EFCAB11: variants seen among roughly 807,000 people sequenced by gnomAD.
The protein encoded by EFCAB11 is EF-hand calcium-binding domain-containing protein 11.
A neutral mutation model predicts 23.0 loss-of-function variants in EFCAB11; 14 were observed. The observed-to-expected ratio is 0.61, with a 90% CI of 0.40 to 0.95. The LOEUF is 0.95. EFCAB11 is among the 40% of genes least tolerant of loss of function. EFCAB11 has a pLI of 0.00. For missense variants in EFCAB11, 198 were observed against 195.8 expected (o/e 1.01, Z -0.07); for synonymous variants, 65 against 66.6 (o/e 0.98, Z 0.11).
intron 5 of EFCAB11, among the ~76,000 whole-genome samples, chr14:89,882,045 C>A (rs568309876): frequency 1.3e-5 from 2 of 152,324 alleles, no homozygotes; most frequent in East Asian, 3.9e-4. Flanking sequence ...CTGTGTGGAG[C>A]TATACTGGTT....
chr14:89,908,305 G>A (rs2140211764), intron 5 of EFCAB11, among the ~76,000 whole-genome samples: 1 of 152,296 alleles, frequency 6.6e-6, no homozygotes, highest in South Asian at 2.1e-4. Context: ...CAACTCTGGT[G>A]TAAGTTCTCT....
intron 5 of EFCAB11, among the ~76,000 whole-genome samples, chr14:89,801,279 T>G (rs1846760501): frequency 6.6e-6 from 1 of 152,176 alleles, no homozygotes. Context: ...ACCTCTCCCC[T>G]ATCTTCACCA....
chr14:89,802,234 A>C (rs1885810505), intron 5 of EFCAB11, among the ~76,000 whole-genome samples: 1 of 151,322 alleles, frequency 6.6e-6, no homozygotes, highest in Non-Finnish European at 1.5e-5. Flanking sequence ...AGAAAGAAAA[A>C]GGAAATGGTT....
intron 5 of EFCAB11, among the ~76,000 whole-genome samples, chr14:89,850,681 T>C (rs1429099713): frequency 6.6e-6 from 1 of 152,230 alleles, no homozygotes; most frequent in Non-Finnish European, 1.5e-5. Flanking sequence ...TGTGTGTGTG[T>C]ATGAATTGAT....
chr14:89,950,018 G>A (rs1456504058), intron 3 of EFCAB11, 79 bp downstream of exon 3: 4 of 1,391,230 alleles, frequency 2.9e-6, no homozygotes, highest in African/African-American at 1.5e-5. Flanking sequence ...AATTTGAGAT[G>A]AGACTGATGT....
chr14:89,914,302 G>A (rs545179008), intron 5 of EFCAB11, among the ~76,000 whole-genome samples: 2 of 152,340 alleles, frequency 1.3e-5, no homozygotes, highest in Admixed American at 6.5e-5. Context: ...AAGAGCATGG[G>A]ATGTGGTGGA....
chr14:89,875,479 T>C (rs1192815257), intron 5 of EFCAB11, among the ~76,000 whole-genome samples: 1 of 151,824 alleles, frequency 6.6e-6, no homozygotes, highest in Non-Finnish European at 1.5e-5. Context: ...AATGTTGAGG[T>C]GGAAAAAAAT....
rs565250717 is a variant in EFCAB11, at chr14:89,841,771, C to T, written c.411-44447G>A. Among the ~76,000 whole-genome samples, 94 of 152,120 alleles carry T rather than the reference C, an allele frequency of 6.2e-4. 1 individual carries two copies. Among genetic ancestry groups the T allele is most frequent in the African/African-American group, 2.2e-3 (91 of 41,482 alleles). Reference sequence around the variant, plus strand: ...TTAATTATCCCTTAGATGTTGGTACCCCCAGGGTTGTCTCTTAGGCAGTCT... The same window carrying T: ...TTAATTATCCCTTAGATGTTGGTACTCCCAGGGTTGTCTCTTAGGCAGTCT... On this transcript the variant is annotated intron_variant, in intron 5 of 5. Coordinates refer to ENST00000316738, the MANE Select transcript of EFCAB11 (RefSeq NM_145231.4).
intron 3 of EFCAB11, among the ~76,000 whole-genome samples, chr14:89,939,684 A>G (rs1050200301): frequency 6.6e-6 from 1 of 152,212 alleles, no homozygotes; most frequent in African/African-American, 2.4e-5. Flanking sequence ...TAATAGTAAT[A>G]TAACATCTGG....
At chr14:89,896,939 C>T (rs756303626) in intron 5 of EFCAB11, among the ~76,000 whole-genome samples, 6 of 152,186 alleles carry the variant, frequency 3.9e-5, no homozygotes, top group Non-Finnish European at 8.8e-5. Flanking sequence ...TACTGCTTGG[C>T]GAGTCTTGAA....
chr14:89,954,359 A>C (rs1026160187), intron 1 of EFCAB11: 31 of 1,536,016 alleles, frequency 2.0e-5, no homozygotes, highest in Non-Finnish European at 2.6e-5. Flanking sequence ...GGTTACCATT[A>C]ATAGACTATA....
intron 3 of EFCAB11, among the ~76,000 whole-genome samples, chr14:89,947,466 C>T (rs1470595007): frequency 6.6e-6 from 1 of 152,192 alleles, no homozygotes; most frequent in African/African-American, 2.4e-5. Context: ...CTCATCTACT[C>T]ACATTGTCAC....
At chr14:89,851,960 G>A (rs939176146) in intron 5 of EFCAB11, among the ~76,000 whole-genome samples, 1 of 152,190 alleles carries the variant, frequency 6.6e-6, no homozygotes, top group Non-Finnish European at 1.5e-5. Context: ...GGATACCATC[G>A]AATGCCAAAA....
At chr14:89,829,457 G>C (rs1251501167) in intron 5 of EFCAB11, among the ~76,000 whole-genome samples, 1 of 152,186 alleles carries the variant, frequency 6.6e-6, no homozygotes, top group Non-Finnish European at 1.5e-5. Flanking sequence ...ATGACCAATA[G>C]GCTGTGTTTG....
intron 5 of EFCAB11, among the ~76,000 whole-genome samples, chr14:89,853,311 T>G (rs1887651573): frequency 6.6e-6 from 1 of 152,204 alleles, no homozygotes; most frequent in African/African-American, 2.4e-5. Flanking sequence ...GTCTGGAAGC[T>G]TCCTTTAATC....
rs115030234 is a variant in EFCAB11, at chr14:89,854,799, G to A, written c.411-57475C>T. Among the ~76,000 whole-genome samples, 402 of 152,008 alleles carry A rather than the reference G, an allele frequency of 2.6e-3. 3 individuals carry two copies. Among genetic ancestry groups the A allele is most frequent in the African/African-American group, 9.0e-3 (374 of 41,448 alleles). ...CTCAACTTCTCCATGTCCATCCACC[G>A]TGCATCCTGTCACCACGATCCTGTA... On this transcript the variant is annotated intron_variant, in intron 5 of 5. Transcript: ENST00000316738.
intron 5 of EFCAB11, among the ~76,000 whole-genome samples, chr14:89,887,202 A>T (rs1051079831): frequency 6.6e-6 from 1 of 152,190 alleles, no homozygotes; most frequent in African/African-American, 2.4e-5. Context: ...GAGATTTGCT[A>T]ACTGCTATGA....
intron 5 of EFCAB11, among the ~76,000 whole-genome samples, chr14:89,899,892 T>C (rs1275046108): frequency 6.6e-6 from 1 of 152,102 alleles, no homozygotes; most frequent in Non-Finnish European, 1.5e-5. Flanking sequence ...GCCCAACCAC[T>C]TGGGAAACAA....
At chr14:89,942,594 A>G (rs1217364912) in intron 3 of EFCAB11, among the ~76,000 whole-genome samples, 1 of 152,186 alleles carries the variant, frequency 6.6e-6, no homozygotes, top group Non-Finnish European at 1.5e-5. Context: ...GCAAGACTAT[A>G]AATCAGAACC....
Sources: gnomAD v4.1 joint callset for allele counts (sites outside exome capture counted in the v4.1 genomes callset) on GRCh38, gnomAD v4.1.1 for gene constraint, MANE v1.5 for transcripts, NCBI Gene and HGNC (gene_info 2026-07-23, HGNC 2026-07-21) for gene names.